The following IMMP2L variants were observed in gnomAD, a reference collection of about 807,000 sequenced individuals.
The protein encoded by IMMP2L is inner mitochondrial membrane peptidase subunit 2.
Under a neutral mutation model 19.3 loss-of-function variants are expected in IMMP2L, and 18 were observed. The ratio of observed to expected loss-of-function variants is 0.93; its 90% CI spans 0.64 to 1.38. IMMP2L has a LOEUF of 1.38. IMMP2L is among the 40% of genes most tolerant of loss of function. The pLI, the probability that IMMP2L is intolerant of heterozygous loss-of-function variation, is 0.00. For missense variants in IMMP2L, 233 were observed against 218.2 expected, an observed-to-expected ratio of 1.07 and a Z score of -0.43; for synonymous variants, 76 against 73.0, an observed-to-expected ratio of 1.04 and a Z score of -0.21.
At chr7:110,869,144 C>A (rs990047011) in intron 5 of IMMP2L, among the ~76,000 whole-genome samples, 9 of 152,002 alleles carry the variant, frequency 5.9e-5, no homozygotes, top group Non-Finnish European at 7.4e-5. Context: ...GAAAATCAAC[C>A]AGGTAGAATC....
At chr7:111,433,657 T>A (rs536515307) in intron 3 of IMMP2L, among the ~76,000 whole-genome samples, 6 of 151,694 alleles carry the variant, frequency 4.0e-5, no homozygotes, top group African/African-American at 1.5e-4. Context: ...GACCCCACGA[T>A]TCAATTAGCT....
intron 1 of IMMP2L, among the ~76,000 whole-genome samples, chr7:111,533,611 G>C (rs967374548): frequency 6.6e-6 from 1 of 152,110 alleles, no homozygotes; most frequent in Admixed American, 6.5e-5. Context: ...AAGAGAAGTT[G>C]AATTAACAAG....
chr7:110,755,018 T>G (rs1797958292), intron 5 of IMMP2L, among the ~76,000 whole-genome samples: 1 of 151,912 alleles, frequency 6.6e-6, no homozygotes, highest in Non-Finnish European at 1.5e-5. Flanking sequence ...CTGAAAGAGG[T>G]TATTATTTGA....
intron 5 of IMMP2L, among the ~76,000 whole-genome samples, chr7:110,824,961 C>G (rs1352567020): frequency 3.3e-5 from 5 of 152,130 alleles, no homozygotes; most frequent in African/African-American, 1.2e-4. Flanking sequence ...AGCCCAAAAT[C>G]TCCTTAAGCT....
At chr7:111,530,589 T>C (rs886984025) in intron 1 of IMMP2L, among the ~76,000 whole-genome samples, 4 of 151,930 alleles carry the variant, frequency 2.6e-5, no homozygotes, top group African/African-American at 9.7e-5. Context: ...TAAGACTTAG[T>C]GCCAGAATTG....
intron 5 of IMMP2L, among the ~76,000 whole-genome samples, chr7:110,848,907 G>A (rs149558580): frequency 6.6e-6 from 1 of 152,138 alleles, no homozygotes; most frequent in Non-Finnish European, 1.5e-5. Flanking sequence ...GTGGTTGCCA[G>A]AAATTAGTTG....
chr7:111,376,912 G>A (rs530220503), intron 3 of IMMP2L, among the ~76,000 whole-genome samples: 1 of 152,088 alleles, frequency 6.6e-6, no homozygotes, highest in South Asian at 2.1e-4. Flanking sequence ...TGGCATGGTG[G>A]TGACAGCTAA....
At chr7:111,107,482 T>C (rs1563249829) in intron 3 of IMMP2L, among the ~76,000 whole-genome samples, 1 of 152,134 alleles carries the variant, frequency 6.6e-6, no homozygotes, top group Admixed American at 6.6e-5. Flanking sequence ...ATTAAAGCCA[T>C]TTCTGTTCAT....
At chr7:111,476,296 G>A (rs1841720265) in intron 3 of IMMP2L, among the ~76,000 whole-genome samples, 1 of 152,046 alleles carries the variant, frequency 6.6e-6, no homozygotes, top group Admixed American at 6.6e-5. Flanking sequence ...TCACAGAAAA[G>A]AAAATAATAC....
intron 3 of IMMP2L, among the ~76,000 whole-genome samples, chr7:111,475,993 T>G (rs1841686022): frequency 6.6e-6 from 1 of 152,112 alleles, no homozygotes; most frequent in Middle Eastern, 3.2e-3. Flanking sequence ...TGCAACATAG[T>G]TTTCTGATAT....
At chr7:110,888,786 C>T (rs188542625) in intron 4 of IMMP2L, among the ~76,000 whole-genome samples, 14 of 152,138 alleles carry the variant, frequency 9.2e-5, no homozygotes, top group Non-Finnish European at 2.1e-4. Flanking sequence ...ACTTGATATA[C>T]ATTTATGGGT....
intron 3 of IMMP2L, among the ~76,000 whole-genome samples, chr7:111,388,459 AATAG>A (rs1157510246): frequency 5.3e-5 from 8 of 152,198 alleles, no homozygotes; most frequent in Non-Finnish European, 7.4e-5. Flanking sequence ...ATCACTGATC[AATAG>A]ATAGATAGAT....
chr7:111,432,114 G>A (rs1380890204), intron 3 of IMMP2L, among the ~76,000 whole-genome samples: 3 of 151,726 alleles, frequency 2.0e-5, no homozygotes, highest in Non-Finnish European at 4.4e-5. Flanking sequence ...AGGGAAAGGT[G>A]CAGTCTTGGG....
intron 3 of IMMP2L, among the ~76,000 whole-genome samples, chr7:111,418,334 G>GTC (rs1414874101): frequency 4.6e-5 from 7 of 151,760 alleles, no homozygotes; most frequent in Non-Finnish European, 8.8e-5. Flanking sequence ...AGAAAATTAT[G>GTC]TCTTGATTAA....
intron 3 of IMMP2L, among the ~76,000 whole-genome samples, chr7:111,384,230 GGAGA>G (rs1308010276): frequency 2.2e-4 from 32 of 147,746 alleles, no homozygotes; most frequent in Admixed American, 6.7e-4. Flanking sequence ...AGAGGAGAAA[GGAGA>G]GAGGAGAAAG....
At position 110,896,499 on chromosome 7, in the gene IMMP2L, G is replaced by GTATT. The variant is rs1418110270; in HGVS notation, c.306-9805_306-9804insAATA. 4.0e-4 allele frequency among the ~76,000 whole-genome samples: 11 copies of GTATT among 27,510 alleles called. 1 individual carries two copies. Among genetic ancestry groups the GTATT allele is most frequent in the African/African-American group, 6.1e-4 (1 of 1,646 alleles). 18.0% of individuals were successfully genotyped at this position (27,510 alleles called of 152,430 possible). ...AAAAATATTTATCCATTTTCAATTG[G>GTATT]ATTGTTTGTCTTTTTTAAAAATCAT... On this transcript the variant is annotated intron_variant, in intron 4 of 5. Coordinates refer to ENST00000405709, the MANE Select transcript of IMMP2L (RefSeq NM_032549.4).
At position 111,123,538 on chromosome 7, in the gene IMMP2L, C is replaced by T. The variant is rs1360389210; in HGVS notation, c.240-159973G>A. On this transcript the variant is annotated intron_variant, in intron 3 of 5. Coordinates refer to ENST00000405709, the MANE Select transcript of IMMP2L (RefSeq NM_032549.4). This position sits in a 1 kb window ranked among gnomAD's most constrained non-coding sequence, Gnocchi z 6.4. Reference sequence around the variant, plus strand: ...GCTTATTAAAGTACCCCATGTTGCTCTTCAAAAAGTTGTAAATCTCAAATT... The same window carrying T: ...GCTTATTAAAGTACCCCATGTTGCTTTTCAAAAAGTTGTAAATCTCAAATT... 1 of 1,613,832 alleles carries T rather than the reference C, an allele frequency of 6.2e-7. No individual in the cohort carries two copies. The highest frequency in any genetic ancestry group is 1.7e-5 in the Admixed American group (1 of 59,934).
At chr7:111,111,527 A>G (rs1395137572) in intron 3 of IMMP2L, among the ~76,000 whole-genome samples, 1 of 151,834 alleles carries the variant, frequency 6.6e-6, no homozygotes. Context: ...GGGGGATCTC[A>G]TATTTCCCAA....
chr7:110,916,533 A>G (rs757131471), intron 4 of IMMP2L, among the ~76,000 whole-genome samples: 9 of 152,220 alleles, frequency 5.9e-5, no homozygotes, highest in African/African-American at 9.6e-5. Flanking sequence ...TGAAAAGCCA[A>G]TTCAAGTTCT....
Sources: gnomAD v4.1 joint callset for allele counts (sites outside exome capture counted in the v4.1 genomes callset) on GRCh38, gnomAD v4.1.1 for gene constraint, Gnocchi (gnomAD v3.1) non-coding constraint, MANE v1.5 for transcripts, NCBI Gene and HGNC (gene_info 2026-07-23, HGNC 2026-07-21) for gene names.